The following CTNNA3 variants were observed in gnomAD, a reference collection of about 807,000 sequenced individuals.
CTNNA3 encodes catenin alpha-3.
A neutral mutation model predicts 95.7 loss-of-function variants in CTNNA3; 76 were observed. The observed-to-expected ratio is 0.79, with a 90% confidence interval of 0.66 to 0.96. The LOEUF (loss-of-function observed/expected upper bound fraction) is 0.96. Among genes scored for constraint, CTNNA3 ranks in the 40% least tolerant of loss-of-function variants. The pLI, the probability that CTNNA3 is intolerant of heterozygous loss-of-function variation, is 0.00. For synonymous variants in CTNNA3, 431 were observed against 374.4 expected, an observed-to-expected ratio of 1.15 and a Z score of -1.74; for missense variants, 1,191 against 1,089.8, an observed-to-expected ratio of 1.09 and a Z score of -1.31.
chr10:66,050,381 A>C (rs1054261033), intron 15 of CTNNA3, among the ~76,000 whole-genome samples: 1 of 151,366 alleles, frequency 6.6e-6, no homozygotes, highest in Non-Finnish European at 1.5e-5. Context: ...TTATCCATGC[A>C]CAACACATTA....
At chr10:67,751,039 A>G in intron 1 of CTNNA3, 1 of 1,521,480 alleles carries the variant, frequency 6.6e-7, no homozygotes, top group Non-Finnish European at 9.1e-7. Context: ...ATCCATTTCC[A>G]TATCCAGAGG....
intron 13 of CTNNA3, among the ~76,000 whole-genome samples, chr10:66,160,757 T>C (rs1360476008): frequency 6.6e-6 from 1 of 152,178 alleles, no homozygotes; most frequent in Admixed American, 6.6e-5. Flanking sequence ...CTTGATGACC[T>C]GTCTAGTGCT....
intron 5 of CTNNA3, among the ~76,000 whole-genome samples, chr10:67,424,761 A>T (rs567302668): frequency 1.3e-5 from 2 of 152,212 alleles, no homozygotes; most frequent in African/African-American, 4.8e-5. Context: ...ATGCTCATCG[A>T]CTAAATTGTA....
At chr10:66,070,417 C>T (rs180876726) in intron 14 of CTNNA3, among the ~76,000 whole-genome samples, 5 of 152,190 alleles carry the variant, frequency 3.3e-5, no homozygotes, top group Middle Eastern at 3.4e-3. Flanking sequence ...TCTTGACTAC[C>T]GGTCATTATC....
chr10:67,482,697 G>T (rs917762242), intron 5 of CTNNA3, among the ~76,000 whole-genome samples: 1 of 152,162 alleles, frequency 6.6e-6, no homozygotes, highest in African/African-American at 2.4e-5. Flanking sequence ...TCTGCAAACA[G>T]GGACAATTTG....
chr10:67,001,274 C>G (rs1055308040), intron 7 of CTNNA3, among the ~76,000 whole-genome samples: 1 of 145,874 alleles, frequency 6.9e-6, no homozygotes, highest in African/African-American at 2.5e-5. Context: ...GCACTCCAGC[C>G]TGACGACAGA....
At chr10:66,771,855 T>C (rs1209699745) in intron 8 of CTNNA3, among the ~76,000 whole-genome samples, 1 of 151,928 alleles carries the variant, frequency 6.6e-6, no homozygotes, top group Non-Finnish European at 1.5e-5. Context: ...AAGAAAAAAA[T>C]AGAAGAATAT....
intron 7 of CTNNA3, among the ~76,000 whole-genome samples, chr10:67,060,946 G>A (rs1475348757): frequency 6.6e-6 from 1 of 152,128 alleles, no homozygotes; most frequent in Admixed American, 6.5e-5. Context: ...ACAAACTAAA[G>A]CTGTGTGAAT....
At chr10:66,258,593 C>T (rs1382730597) in intron 13 of CTNNA3, among the ~76,000 whole-genome samples, 1 of 152,048 alleles carries the variant, frequency 6.6e-6, no homozygotes, top group Non-Finnish European at 1.5e-5. Flanking sequence ...CTAAGCCTTT[C>T]TTTTTTTACG....
chr10:65,944,437 A>C (rs746610638), intron 17 of CTNNA3, among the ~76,000 whole-genome samples: 2 of 152,236 alleles, frequency 1.3e-5, no homozygotes, highest in African/African-American at 4.8e-5. Flanking sequence ...TATACAAACA[A>C]AATTAGTGAG....
intron 6 of CTNNA3, among the ~76,000 whole-genome samples, chr10:67,219,358 C>T (rs187696985): frequency 2.3e-4 from 35 of 152,250 alleles, no homozygotes; most frequent in African/African-American, 7.2e-4. Flanking sequence ...GTCATCATTT[C>T]GATCTAATTA....
intron 12 of CTNNA3, among the ~76,000 whole-genome samples, chr10:66,282,376 T>C (rs4607959): frequency 0.47 from 71,236 of 151,512 alleles, 18,223 homozygotes; most frequent in African/African-American, 0.69. Flanking sequence ...TTTTATAACA[T>C]CTCAAACATA....
At chr10:66,309,927 AAATAAATAAATAAATAAATAAAT>A (rs1292824654) in intron 12 of CTNNA3, among the ~76,000 whole-genome samples, 1 of 111,666 alleles carries the variant, frequency 9.0e-6, no homozygotes, top group African/African-American at 3.2e-5. Flanking sequence ...ATAAATAAAT[AAATAAATAAATAAATAAATAAAT>A]AAATAAAATA....
At position 66,293,020 on chromosome 10, in the gene CTNNA3, T is replaced by A. The variant is rs187306731; in HGVS notation, c.1733-12399A>T. On this transcript the variant is annotated intron_variant, in intron 12 of 17. Coordinates refer to ENST00000433211, the MANE Select transcript of CTNNA3 (RefSeq NM_013266.4). ...GTTTTTCTTTTACTGCAGGAAGAAA[T>A]CATTTCAATAGATATTTACTTATTG... Among the ~76,000 whole-genome samples the A allele has an allele frequency of 3.3e-5, 5 of 152,206 alleles. No individual in the cohort carries two copies. The East Asian group carries it at 9.7e-4, about 29-fold the overall frequency.
chr10:66,814,421 A>T (rs1338702332), intron 7 of CTNNA3, among the ~76,000 whole-genome samples: 1 of 152,190 alleles, frequency 6.6e-6, no homozygotes, highest in Non-Finnish European at 1.5e-5. Context: ...ATTTATATAA[A>T]TATCATTCAT....
At chr10:67,044,470 A>C (rs1488751552) in intron 7 of CTNNA3, among the ~76,000 whole-genome samples, 1 of 152,062 alleles carries the variant, frequency 6.6e-6, no homozygotes, top group African/African-American at 2.4e-5. Context: ...GATTGTCTAA[A>C]ATTTAAATGC....
chr10:67,687,683 C>T (rs1840760414), intron 1 of CTNNA3, among the ~76,000 whole-genome samples: 1 of 152,128 alleles, frequency 6.6e-6, no homozygotes, highest in Non-Finnish European at 1.5e-5. Context: ...AGGTAATAAA[C>T]TTATCTTTTA....
rs937575577 is a variant in CTNNA3 at position 66,863,516 on chromosome 10, C to T, written c.1048-87992G>A. On this transcript the variant is annotated intron_variant, in intron 7 of 17. Transcript: ENST00000433211. ...GTCCATATATATTTGAAGATTGAGC[C>T]AACAGGATTTGCTGATGAGGAGCTG... Among the ~76,000 whole-genome samples, 44 of 152,102 alleles carry T rather than the reference C, an allele frequency of 2.9e-4. 1 individual carries two copies. Among genetic ancestry groups the T allele is most frequent in the African/African-American group, 1.0e-3 (43 of 41,482 alleles).
At chr10:66,330,031 T>C (rs2092305523) in intron 12 of CTNNA3, among the ~76,000 whole-genome samples, 1 of 152,096 alleles carries the variant, frequency 6.6e-6, no homozygotes, top group African/African-American at 2.4e-5. Flanking sequence ...GGCAATTCAC[T>C]GGTCAGTTGT....
Sources: gnomAD v4.1 joint callset for allele counts (sites outside exome capture counted in the v4.1 genomes callset) on GRCh38, gnomAD v4.1.1 for gene constraint, MANE v1.5 for transcripts, NCBI Gene and HGNC (gene_info 2026-07-23, HGNC 2026-07-21) for gene names.